Variants in ATAD3B observed in about 807,000 individuals in gnomAD.
The protein encoded by ATAD3B is ATPase family AAA domain containing 3B, also known as ATPase family AAA domain-containing protein 3B.
In ATAD3B, 59 loss-of-function variants were observed where a neutral mutation model predicts 70.2. The ratio of observed to expected loss-of-function variants is 0.84; its 90% CI spans 0.68 to 1.04. The LOEUF (loss-of-function observed/expected upper bound fraction) is 1.04. ATAD3B is among the 50% of genes least tolerant of loss of function. The probability of loss-of-function intolerance (pLI) is 0.00; values close to 1 mark genes in which losing one functional copy is unlikely to be tolerated. For synonymous variants in ATAD3B, 423 were observed against 388.6 expected, an observed-to-expected ratio of 1.09 and a Z score of -1.04; for missense variants, 961 against 913.4, an observed-to-expected ratio of 1.05 and a Z score of -0.67.
chr1:1,477,687 A>T (rs897976689), intron 2 of ATAD3B, among the ~76,000 whole-genome samples: 1 of 144,358 alleles, frequency 6.9e-6, no homozygotes, highest in Admixed American at 7.2e-5. Context: ...TTTTTATTTT[A>T]TTTTATTTTA....
chr1:1,490,636 G>C lies in ATAD3B; in HGVS notation c.1579G>C (p.Gly527Arg). 4 of 1,605,428 alleles carry C rather than the reference G, an allele frequency of 2.5e-6. No individual in the cohort carries two copies. Among genetic ancestry groups the C allele is most frequent in the South Asian group, 1.1e-5 (1 of 89,766 alleles). ...CGCTCGGCTGACGGAGGGCATGTCG[G>C]GCCGGGAGATCGCTCAGCTGGCCGT... Reference protein sequence around the residue: ...EVARLTEGMSGREIAQLAVSW... With the variant: ...EVARLTEGMSRREIAQLAVSW... The change falls in exon 15 of 16, where the codon GGC becomes CGC. Residue 527 changes from glycine (G) to arginine (R), a missense_variant. Transcript: ENST00000673477.
Position 1,479,192 on chromosome 1 carries a change from CG to C in ATAD3B, c.444+88del, listed in dbSNP as rs1639761597. The stretch of plus-strand genomic sequence containing the variant: ...GGACCAGTCAGTGGGTCAGAGGCCA[CG>C]GGGCAAGAACGATGGGGTTGCTGAC... On this transcript the variant is annotated intron_variant, in intron 4 of 15. Transcript: ENST00000673477. 4.3e-6 allele frequency: 6 copies of C among 1,396,692 alleles called. 1 individual carries two copies. The highest frequency in any genetic ancestry group is 1.9e-6 in the Non-Finnish European group (2 of 1,035,426). 86.5% of individuals were successfully genotyped at this position (1,396,692 alleles called of 1,614,324 possible).
At chr1:1,486,059 G>A (rs752542825) in intron 9 of ATAD3B, 51 bp from the exon 10 acceptor site, 4 of 1,611,578 alleles carry the variant, frequency 2.5e-6, no homozygotes, top group Non-Finnish European at 8.5e-7. Flanking sequence ...CTGTCACCGA[G>A]GCTTCCGTGG....
Position 1,496,175 on chromosome 1 carries a change from T to G in ATAD3B, c.*358T>G. The G allele has an allele frequency of 9.6e-7, 1 of 1,046,064 alleles. No homozygotes were observed. The highest frequency in any genetic ancestry group is 1.7e-5 in the African/African-American group (1 of 59,592). 64.8% of individuals were successfully genotyped at this position (1,046,064 alleles called of 1,614,324 possible). On this transcript the variant is annotated 3_prime_UTR_variant, in exon 16 of 16. Coordinates refer to ENST00000673477, the MANE Select transcript of ATAD3B (RefSeq NM_031921.6). The stretch of plus-strand genomic sequence containing the variant: ...CCTGTGGCTGGAGCTGGTGTGTGTT[T>G]ATCTAATAAAGTCCCACAGGTGCCT...
chr1:1,473,818 A>T (rs1639455143), intron 1 of ATAD3B, among the ~76,000 whole-genome samples: 2 of 151,944 alleles, frequency 1.3e-5, no homozygotes, highest in South Asian at 2.1e-4. Context: ...TTTAGAAAGA[A>T]GATCATTTAG....
chr1:1,478,763 C>T lies in ATAD3B; in HGVS notation c.384+18C>T, dbSNP rs572802597. 1.9e-4 allele frequency: 290 copies of T among 1,494,236 alleles called. No individual in the cohort carries two copies. In the African/African-American group the frequency reaches 3.5e-3, roughly 18 times the overall value. The allele number at this position is 1,494,236 out of a possible 1,614,324, so 92.6% of individuals were successfully genotyped here. A position where few individuals can be genotyped will look rare whatever the true frequency, so the allele number is the denominator to read the frequency against. On this transcript the variant is annotated intron_variant, in intron 3 of 15. Coordinates refer to ENST00000673477, the MANE Select transcript of ATAD3B (RefSeq NM_031921.6). ...ACCAGGCCGTAAGAGCGCAAGAGGCCGCGAGGGAGGCCGCCCGGCTGCGGG... is the reference window on the plus strand; with the variant it reads ...ACCAGGCCGTAAGAGCGCAAGAGGCTGCGAGGGAGGCCGCCCGGCTGCGGG...
chr1:1,505,671 G>A, the ATAD3B span, among the ~76,000 whole-genome samples: 4 of 152,128 alleles, frequency 2.6e-5, no homozygotes, highest in African/African-American at 9.7e-5. Flanking sequence ...CTGTCCGGGC[G>A]TAACGGAAGG....
rs772123186 is a variant in ATAD3B at position 1,495,569 on chromosome 1, C to T, written c.1699C>T (p.Gln567Ter). Reference sequence around the variant, plus strand: ...GCAAGATGCTGTCCAGCAGTACCGACAGAAGATGCGCTGGCTGAAGGCGGA... The same window carrying T: ...GCAAGATGCTGTCCAGCAGTACCGATAGAAGATGCGCTGGCTGAAGGCGGA... ...CVQDAVQQYR[Q>*]KMRWLKAEGP... is the part of the protein sequence containing the mutation. The change falls in exon 16 of 16, where the codon CAG becomes TAG. Residue 567 changes from glutamine to a stop codon, truncating the protein, a stop_gained. Coordinates refer to ENST00000673477, the MANE Select transcript of ATAD3B (RefSeq NM_031921.6). LOFTEE classifies it low-confidence loss of function (END_TRUNC). The T allele has an allele frequency of 2.5e-6, 4 of 1,613,278 alleles. No individual in the cohort carries two copies. In the South Asian group the frequency reaches 4.4e-5, roughly 18 times the overall value.
intron 13 of ATAD3B, 162 bp from the exon 14 acceptor site, chr1:1,490,095 G>T: frequency 7.0e-7 from 1 of 1,428,094 alleles, no homozygotes; most frequent in Non-Finnish European, 9.1e-7. Context: ...GCAGGCGGGT[G>T]ACCAGGGCTG....
rs146343349 is a variant in ATAD3B at position 1,477,279 on chromosome 1, G to A, written c.211G>A (p.Ala71Thr). 107 of 1,612,246 alleles carry A rather than the reference G, an allele frequency of 6.6e-5. No homozygotes were observed. The Admixed American group carries it at 9.5e-4, about 14-fold the overall frequency. ...CGTGCCACATGCGCCCGCAGGTTAC[G>A]CCAAGGAGGCCCTGAATCTGGCGCA... ...AARELEHSRY[A>T]KEALNLAQMQ... Residue 71 changes from alanine to threonine, a missense_variant, in exon 2 of 16, where the codon GCC (alanine) becomes ACC (threonine). Ala to Thr is a moderately conservative substitution (Grantham distance 58). This residue lies in a region of ATAD3B where 187 missense variants were observed against 244.3 expected (regional missense o/e 0.77). Transcript: ENST00000673477.
intron 1 of ATAD3B, among the ~76,000 whole-genome samples, chr1:1,473,499 C>T (rs1399953751): frequency 6.7e-6 from 1 of 149,458 alleles, no homozygotes; most frequent in East Asian, 2.0e-4. Flanking sequence ...CCACCGCATG[C>T]CACCTTTTTT....
chr1:1,491,088 C>T (rs1352996237), intron 15 of ATAD3B, among the ~76,000 whole-genome samples: 2 of 151,876 alleles, frequency 1.3e-5, no homozygotes, highest in East Asian at 3.9e-4. Context: ...GGTCCCTTGG[C>T]TTGGTCCTGT....
At position 1,475,316 on chromosome 1, in the gene ATAD3B, G is replaced by A. The variant is rs371590967; in HGVS notation, c.206-1958G>A. ...TCTCCTTCCTGGCCTCACTGCTGGCGGGTGAGAGAGGTTTCTCCGGAGTTG... is the reference window on the plus strand; with the variant it reads ...TCTCCTTCCTGGCCTCACTGCTGGCAGGTGAGAGAGGTTTCTCCGGAGTTG... On this transcript the variant is annotated intron_variant, in intron 1 of 15. Transcript: ENST00000673477. 1.2e-3 allele frequency among the ~76,000 whole-genome samples: 178 copies of A among 148,372 alleles called. 1 individual carries two copies. The highest frequency in any genetic ancestry group is 3.0e-3 in the African/African-American group (116 of 39,314).
chr1:1,490,131 GTGCTCACAAGC>G (rs1263463072), intron 13 of ATAD3B, 115 bp from the exon 14 acceptor site: 10 of 1,467,490 alleles, frequency 6.8e-6, no homozygotes, highest in Admixed American at 2.5e-5. Flanking sequence ...CATGTTTCCT[GTGCTCACAAGC>G]TGCCGCTTTA....
At position 1,495,658 on chromosome 1, in the gene ATAD3B, G is replaced by C. The variant is rs984749409; in HGVS notation, c.1788G>C (p.Trp596Cys). ...TCCAAGGCGAGACCCTCACCTCATG[G>C]AGCCTGGCCACGGACCCCTCCTACC... ...SGVQGETLTS[W>C]SLATDPSYPC... The change falls in exon 16 of 16, where the codon TGG (tryptophan) becomes TGC (cysteine). Residue 596 changes from tryptophan (W) to cysteine (C), a missense_variant. Physicochemically the swap from Trp to Cys is radical, Grantham distance 215 (BLOSUM62 -2). Transcript: ENST00000673477. The C allele has an allele frequency of 2.5e-6, 4 of 1,612,704 alleles. No individual in the cohort carries two copies. In the African/African-American group the frequency reaches 4.0e-5, roughly 16 times the overall value.
chr1:1,492,939 C>CAA (rs113321433), intron 15 of ATAD3B, among the ~76,000 whole-genome samples: 97 of 126,830 alleles, frequency 7.6e-4, no homozygotes, highest in African/African-American at 2.0e-3. Flanking sequence ...ACTCCATCTC[C>CAA]AAAAAAAAAA....
Position 1,486,588 on chromosome 1 carries a change from C to T in ATAD3B, c.1134C>T (p.Gly378=), listed in dbSNP as rs772706411. 3.1e-5 allele frequency: 50 copies of T among 1,611,494 alleles called. 2 individuals are homozygous for T. Among genetic ancestry groups the T allele is most frequent in the South Asian group, 1.3e-4 (12 of 91,000 alleles). ...GCATGGACTACGCCATCATGACAGG[C>T]GGGGACGTGGCCCCCATGGGGCGGG... is the stretch of plus-strand genomic sequence containing the variant. ...HSGMDYAIMT[G]GDVAPMGREG... Residue 378 remains glycine, a synonymous_variant, in exon 11 of 16, where the codon GGC becomes GGT. Coordinates refer to ENST00000673477, the MANE Select transcript of ATAD3B (RefSeq NM_031921.6).
chr1:1,479,400 A>G (rs1404144237), intron 4 of ATAD3B, among the ~76,000 whole-genome samples: 1 of 143,762 alleles, frequency 7.0e-6, no homozygotes, highest in Non-Finnish European at 1.5e-5. Flanking sequence ...ACATGGGCAC[A>G]CACACACCCC....
chr1:1,473,405 T>C (rs1325571528), intron 1 of ATAD3B, among the ~76,000 whole-genome samples: 3 of 150,876 alleles, frequency 2.0e-5, no homozygotes, highest in African/African-American at 7.3e-5. Context: ...GGGGTTTCAC[T>C]GTATTAGCCA....
Sources: allele counts gnomAD v4.1 joint callset (sites outside exome capture counted in the v4.1 genomes callset), GRCh38; gene constraint gnomAD v4.1.1; regional missense constraint gnomAD v4.1.1; transcripts MANE v1.5; gene names NCBI Gene and HGNC (gene_info 2026-07-23, HGNC 2026-07-21).